Variants in KCNIP4 observed in about 807,000 individuals in gnomAD.
The protein encoded by KCNIP4 is potassium voltage-gated channel interacting protein 4.
KCNIP4 carries 12 observed loss-of-function variants against 34.0 expected under a neutral mutation model. That is an observed-to-expected ratio of 0.35 (90% CI 0.23 to 0.57). The LOEUF (loss-of-function observed/expected upper bound fraction) is 0.57. KCNIP4 is among the 20% of genes least tolerant of loss of function. KCNIP4 has a pLI of 0.83. For synonymous variants in KCNIP4, 124 were observed against 102.2 expected (o/e 1.21, Z -1.29); for missense variants, 238 against 311.7 (o/e 0.76, Z 1.78).
intron 1 of KCNIP4, among the ~76,000 whole-genome samples, chr4:21,929,876 G>A (rs975795069): frequency 5.3e-5 from 8 of 152,044 alleles, no homozygotes; most frequent in African/African-American, 1.2e-4. Context: ...TTGCCTTGGC[G>A]TCCACAGTAC....
chr4:21,281,072 A>C (rs958906467), intron 1 of KCNIP4, among the ~76,000 whole-genome samples: 2 of 151,640 alleles, frequency 1.3e-5, no homozygotes, highest in Non-Finnish European at 2.9e-5. Flanking sequence ...TTAACAAAAA[A>C]AGTTACATTT....
intron 3 of KCNIP4, among the ~76,000 whole-genome samples, chr4:20,781,425 A>G (rs1363044649): frequency 6.6e-6 from 1 of 152,156 alleles, no homozygotes; most frequent in African/African-American, 2.4e-5. Context: ...ATATCAGTCC[A>G]TTTTCCCGCT....
At chr4:20,945,945 G>T (rs902094737) in intron 1 of KCNIP4, among the ~76,000 whole-genome samples, 2 of 152,100 alleles carry the variant, frequency 1.3e-5, no homozygotes, top group African/African-American at 4.8e-5. Context: ...TAGACAAAGG[G>T]AATGAGAAAG....
chr4:21,623,438 A>G (rs1745118041), intron 1 of KCNIP4, among the ~76,000 whole-genome samples: 1 of 152,222 alleles, frequency 6.6e-6, no homozygotes, highest in Admixed American at 6.5e-5. Flanking sequence ...TTTTACCAAC[A>G]GTAAGAACTC....
intron 2 of KCNIP4, among the ~76,000 whole-genome samples, chr4:20,877,958 T>A (rs1724242293): frequency 7.6e-6 from 1 of 132,200 alleles, no homozygotes; most frequent in South Asian, 2.5e-4. Flanking sequence ...AGAGCTAATG[T>A]TTTCTCTCTC....
intron 1 of KCNIP4, among the ~76,000 whole-genome samples, chr4:21,363,691 T>A (rs1719451338): frequency 6.6e-6 from 1 of 152,162 alleles, no homozygotes; most frequent in Non-Finnish European, 1.5e-5. Flanking sequence ...TTGACTATCA[T>A]CACTATCAGT....
At chr4:21,484,907 C>T (rs927646122) in intron 1 of KCNIP4, among the ~76,000 whole-genome samples, 1 of 152,196 alleles carries the variant, frequency 6.6e-6, no homozygotes, top group Non-Finnish European at 1.5e-5. Context: ...TTTGTCTTTG[C>T]ATAAATGTTT....
rs1019763183 is a variant in KCNIP4, at chr4:20,844,101, T to C, written c.288+6442A>G. Among the ~76,000 whole-genome samples the C allele has an allele frequency of 2.6e-5, 4 of 152,324 alleles. No homozygotes were observed. In the East Asian group the frequency reaches 5.8e-4, roughly 22 times the overall value. On this transcript the variant is annotated intron_variant, in intron 3 of 8. Transcript: ENST00000382152. The stretch of plus-strand genomic sequence containing the variant: ...TCTACATGGATATTAATATCCTAAA[T>C]TTTTAAAGGATAGTTTCATGTCCAG...
At chr4:21,165,687 G>C (rs1307129547) in intron 1 of KCNIP4, among the ~76,000 whole-genome samples, 1 of 152,092 alleles carries the variant, frequency 6.6e-6, no homozygotes, top group Non-Finnish European at 1.5e-5. Flanking sequence ...AATTAAGTGG[G>C]ACTCCATTAA....
In KCNIP4 at chr4:21,948,710, C is replaced by G. The variant is rs1294099938; in HGVS notation, c.-79G>C. ...GTCTGTCCACGGGTCTGCACGGGAGCGCACCGCCGCTCGGCCCGGGGGCGT... is the reference window on the plus strand; with the variant it reads ...GTCTGTCCACGGGTCTGCACGGGAGGGCACCGCCGCTCGGCCCGGGGGCGT... On this transcript the variant is annotated 5_prime_UTR_variant, in exon 1 of 9. Transcript: ENST00000382152. 6.9e-7 allele frequency: 1 copy of G among 1,442,080 alleles called. No individual in the cohort carries two copies. Among genetic ancestry groups the G allele is most frequent in the Non-Finnish European group, 9.3e-7 (1 of 1,079,690 alleles). The allele number at this position is 1,442,080 out of a possible 1,614,324, so 89.3% of individuals were successfully genotyped here.
At chr4:21,363,482 A>G (rs1240171230) in intron 1 of KCNIP4, among the ~76,000 whole-genome samples, 1 of 152,166 alleles carries the variant, frequency 6.6e-6, no homozygotes, top group Non-Finnish European at 1.5e-5. Context: ...CAACTGCATC[A>G]ACATTAGGGA....
At chr4:21,131,003 T>A (rs1299967383) in intron 1 of KCNIP4, among the ~76,000 whole-genome samples, 1 of 152,174 alleles carries the variant, frequency 6.6e-6, no homozygotes, top group Non-Finnish European at 1.5e-5. Flanking sequence ...GCTGGGATTA[T>A]AACCCCCAAA....
At chr4:21,272,117 G>C (rs1257309825) in intron 1 of KCNIP4, among the ~76,000 whole-genome samples, 1 of 152,162 alleles carries the variant, frequency 6.6e-6, no homozygotes, top group African/African-American at 2.4e-5. Context: ...TGGACTCAAA[G>C]CTGGACTGCT....
intron 1 of KCNIP4, among the ~76,000 whole-genome samples, chr4:21,630,789 C>T (rs771693650): frequency 1.4e-4 from 22 of 152,174 alleles, no homozygotes; most frequent in Non-Finnish European, 2.8e-4. Context: ...AGCCTCTAGA[C>T]GCCCGCAAGA....
intron 1 of KCNIP4, among the ~76,000 whole-genome samples, chr4:21,608,378 C>T (rs1274231648): frequency 6.6e-6 from 1 of 152,132 alleles, no homozygotes; most frequent in African/African-American, 2.4e-5. Context: ...GAGCTTAGTT[C>T]CTTGTGCTGT....
intron 1 of KCNIP4, among the ~76,000 whole-genome samples, chr4:21,285,092 T>C (rs1170247825): frequency 6.6e-6 from 1 of 152,178 alleles, no homozygotes; most frequent in Non-Finnish European, 1.5e-5. Flanking sequence ...GTTGATCCAT[T>C]AGCAAATATT....
intron 1 of KCNIP4, among the ~76,000 whole-genome samples, chr4:21,336,594 TCCTCTGAATATA>T (rs1192333754): frequency 6.6e-6 from 1 of 152,110 alleles, no homozygotes; most frequent in African/African-American, 2.4e-5. Flanking sequence ...CATGACTATG[TCCTCTGAATATA>T]CCTCTGTGCT....
intron 1 of KCNIP4, among the ~76,000 whole-genome samples, chr4:21,227,687 A>C (rs914311111): frequency 1.6e-4 from 24 of 152,092 alleles, no homozygotes; most frequent in Admixed American, 9.2e-4. Context: ...AAACAAAACA[A>C]AACAAAAAGC....
chr4:21,141,590 G>A (rs1273305785), intron 1 of KCNIP4, among the ~76,000 whole-genome samples: 1 of 152,130 alleles, frequency 6.6e-6, no homozygotes, highest in Non-Finnish European at 1.5e-5. Flanking sequence ...GTAGAAACAT[G>A]TAGAGTCTAC....
Sources: gnomAD v4.1 joint callset for allele counts (sites outside exome capture counted in the v4.1 genomes callset) on GRCh38, gnomAD v4.1.1 for gene constraint, MANE v1.5 for transcripts, NCBI Gene and HGNC (gene_info 2026-07-23, HGNC 2026-07-21) for gene names.